Variants in IL1RAPL1 observed in about 807,000 individuals in gnomAD.
The protein encoded by IL1RAPL1 is interleukin 1 receptor accessory protein like 1.
IL1RAPL1 carries 3 observed loss-of-function variants against 48.4 expected under a neutral mutation model. That is an observed-to-expected ratio of 0.06 (90% CI 0.03 to 0.16). The LOEUF (loss-of-function observed/expected upper bound fraction) is 0.16. IL1RAPL1 is among the 10% of genes least tolerant of loss of function. The pLI is 1.00. For synonymous variants in IL1RAPL1, 185 were observed against 187.7 expected, an observed-to-expected ratio of 0.99 and a Z score of 0.12; for missense variants, 349 against 530.6, an observed-to-expected ratio of 0.66 and a Z score of 3.36.
intron 2 of IL1RAPL1, among the ~76,000 whole-genome samples, chrX:28,998,801 C>G (rs1020150280): frequency 3.6e-5 from 4 of 112,033 alleles, no homozygotes; most frequent in Non-Finnish European, 7.5e-5. Flanking sequence ...AGTGTTCTTG[C>G]TGTTGAGATT....
chrX:29,853,036 A>G (rs1262622806), intron 6 of IL1RAPL1, among the ~76,000 whole-genome samples: 1 of 110,986 alleles, frequency 9.0e-6, no homozygotes, highest in Non-Finnish European at 1.9e-5. Context: ...CAAGAGAGAT[A>G]AGAAACTGTT....
At chrX:29,570,789 C>A (rs1252463257) in intron 5 of IL1RAPL1, among the ~76,000 whole-genome samples, 8 of 112,232 alleles carry the variant, frequency 7.1e-5, no homozygotes, top group Non-Finnish European at 7.5e-5. Flanking sequence ...GATTCACTTG[C>A]CCACAAAAGG....
chrX:29,404,674 G>A (rs778551338), intron 5 of IL1RAPL1, among the ~76,000 whole-genome samples: 49 of 111,470 alleles, frequency 4.4e-4, no homozygotes, highest in African/African-American at 1.2e-3. Context: ...TTTAGAATAA[G>A]AGAAATAAAA....
At chrX:29,596,926 A>C (rs1018037709) in intron 5 of IL1RAPL1, among the ~76,000 whole-genome samples, 3 of 111,351 alleles carry the variant, frequency 2.7e-5, no homozygotes, top group African/African-American at 9.8e-5. Flanking sequence ...TTTTGCTGAG[A>C]GTTTTAATAA....
intron 9 of IL1RAPL1, among the ~76,000 whole-genome samples, chrX:29,948,017 C>T (rs1933246338): frequency 9.0e-6 from 1 of 110,920 alleles, no homozygotes; most frequent in Non-Finnish European, 1.9e-5. Flanking sequence ...CTGCTGCCCT[C>T]TTAGGGATAC....
intron 1 of IL1RAPL1, among the ~76,000 whole-genome samples, chrX:28,667,177 TA>T (rs896343011): frequency 8.9e-6 from 1 of 111,897 alleles, no homozygotes; most frequent in African/African-American, 3.3e-5. Context: ...TGAATTACCT[TA>T]AAAAATACAT....
At chrX:29,712,299 AG>A (rs1334601673) in intron 6 of IL1RAPL1, among the ~76,000 whole-genome samples, 1 of 111,292 alleles carries the variant, frequency 9.0e-6, no homozygotes, top group Non-Finnish European at 1.9e-5. Flanking sequence ...AATAAAAAAA[AG>A]AATGACAATG....
intron 5 of IL1RAPL1, among the ~76,000 whole-genome samples, chrX:29,551,356 C>A (rs1921812751): frequency 2.7e-5 from 3 of 111,647 alleles, no homozygotes; most frequent in African/African-American, 9.8e-5. Flanking sequence ...TCAGAAATAC[C>A]TATCCAAAAG....
chrX:28,609,839 C>T (rs1330742690), intron 1 of IL1RAPL1, among the ~76,000 whole-genome samples: 2 of 111,118 alleles, frequency 1.8e-5, no homozygotes, highest in Non-Finnish European at 3.8e-5. Context: ...CCCCAATGAT[C>T]AGAGAACATA....
intron 1 of IL1RAPL1, among the ~76,000 whole-genome samples, chrX:28,656,142 G>T (rs197016): frequency 0.36 from 40,029 of 110,691 alleles, 5,922 homozygotes; most frequent in South Asian, 0.55. Flanking sequence ...TCATCCAGTT[G>T]CTTCTAATGT....
intron 1 of IL1RAPL1, among the ~76,000 whole-genome samples, chrX:28,786,560 A>G (rs1936477150): frequency 8.9e-6 from 1 of 112,290 alleles, no homozygotes; most frequent in Non-Finnish European, 1.9e-5. Context: ...ATATACTATT[A>G]TAATACTTAC....
intron 2 of IL1RAPL1, among the ~76,000 whole-genome samples, chrX:28,913,601 A>G (rs1208813721): frequency 1.8e-5 from 2 of 111,375 alleles, no homozygotes; most frequent in Non-Finnish European, 3.8e-5. Flanking sequence ...TGAGGCAGAA[A>G]AATCACTTGA....
chrX:29,612,008 G>A (rs1924111824), intron 5 of IL1RAPL1, among the ~76,000 whole-genome samples: 2 of 110,964 alleles, frequency 1.8e-5, no homozygotes, highest in South Asian at 7.7e-4. Flanking sequence ...GGAGCCTAGG[G>A]TTTGGGGTTT....
intron 6 of IL1RAPL1, among the ~76,000 whole-genome samples, chrX:29,853,805 C>A (rs1034277894): frequency 9.0e-6 from 1 of 111,312 alleles, no homozygotes; most frequent in African/African-American, 3.3e-5. Context: ...AATCCCTTTA[C>A]GCTTTGGGTG....
intron 3 of IL1RAPL1, among the ~76,000 whole-genome samples, chrX:29,340,312 C>A (rs1933056287): frequency 9.0e-6 from 1 of 111,176 alleles, no homozygotes; most frequent in African/African-American, 3.3e-5. Context: ...TTGCTGTACC[C>A]ATTAAGCAGG....
At chrX:29,117,787 A>G (rs1928705816) in intron 2 of IL1RAPL1, among the ~76,000 whole-genome samples, 2 of 111,292 alleles carry the variant, frequency 1.8e-5, no homozygotes, top group South Asian at 3.8e-4. Flanking sequence ...AACCCCAGTC[A>G]TAATACCAGC....
chrX:29,859,789 A>G (rs1270101296), intron 6 of IL1RAPL1, among the ~76,000 whole-genome samples: 1 of 112,165 alleles, frequency 8.9e-6, no homozygotes, highest in Non-Finnish European at 1.9e-5. Flanking sequence ...GTTGGAATCT[A>G]ATAAATACTT....
At chrX:28,944,771 G>GT (rs1406490406) in intron 2 of IL1RAPL1, among the ~76,000 whole-genome samples, 116 of 104,281 alleles carry the variant, frequency 1.1e-3, no homozygotes, top group Admixed American at 2.2e-3. Flanking sequence ...GGGATAGGAA[G>GT]TTTTTTTTTT....
At chrX:29,849,229 A>T (rs1026862696) in intron 6 of IL1RAPL1, among the ~76,000 whole-genome samples, 1 of 111,995 alleles carries the variant, frequency 8.9e-6, no homozygotes, top group African/African-American at 3.2e-5. Context: ...TTATGTTCTG[A>T]CTTACATTAA....
Sources: allele counts gnomAD v4.1 joint callset (sites outside exome capture counted in the v4.1 genomes callset), GRCh38; gene constraint gnomAD v4.1.1; transcripts MANE v1.5; gene names NCBI Gene and HGNC (gene_info 2026-07-23, HGNC 2026-07-21).